The following EPHA6 variants were observed in gnomAD, a reference collection of about 807,000 sequenced individuals.
EPHA6 encodes ephrin type-A receptor 6.
In EPHA6, 50 loss-of-function variants were observed where a neutral mutation model predicts 112.0. That is an observed-to-expected ratio of 0.45 (90% CI 0.36 to 0.56). The LOEUF (loss-of-function observed/expected upper bound fraction) is 0.56, where lower values mean the gene tolerates loss of function less well. EPHA6 is among the 20% of genes least tolerant of loss of function. The pLI, the probability that EPHA6 is intolerant of heterozygous loss-of-function variation, is 0.00. For missense variants in EPHA6, 1,280 were observed against 1,417.4 expected, an observed-to-expected ratio of 0.90 and a Z score of 1.56; for synonymous variants, 529 against 490.7, an observed-to-expected ratio of 1.08 and a Z score of -1.03.
intron 2 of EPHA6, among the ~76,000 whole-genome samples, chr3:96,892,153 T>C (rs2037998886): frequency 6.6e-6 from 1 of 152,200 alleles, no homozygotes; most frequent in Admixed American, 6.5e-5. Context: ...TACCACATCA[T>C]AGGAGGCAGA....
chr3:96,817,281 A>G (rs2032874898), intron 1 of EPHA6, among the ~76,000 whole-genome samples: 1 of 151,952 alleles, frequency 6.6e-6, no homozygotes, highest in African/African-American at 2.4e-5. Flanking sequence ...ATAACTTTCA[A>G]ATATTGAAAT....
intron 7 of EPHA6, among the ~76,000 whole-genome samples, chr3:97,456,737 T>C (rs2090699765): frequency 6.6e-6 from 1 of 152,200 alleles, no homozygotes; most frequent in African/African-American, 2.4e-5. Context: ...TCCTGATTTA[T>C]GTCATTCCCA....
chr3:97,265,270 C>T (rs2079637197), intron 5 of EPHA6, among the ~76,000 whole-genome samples: 1 of 152,152 alleles, frequency 6.6e-6, no homozygotes, highest in African/African-American at 2.4e-5. Flanking sequence ...GACTCTCAAC[C>T]TTTGCCCAGG....
At chr3:97,466,274 T>C in intron 7 of EPHA6, 1 of 1,244,748 alleles carries the variant, frequency 8.0e-7, no homozygotes, top group Non-Finnish European at 1.2e-6. Context: ...TAAGGTTAGA[T>C]AGAAAACATT....
chr3:97,536,708 G>A (rs1381745843), intron 11 of EPHA6, among the ~76,000 whole-genome samples: 2 of 152,056 alleles, frequency 1.3e-5, no homozygotes, highest in South Asian at 2.1e-4. Flanking sequence ...CTGCTTCTCT[G>A]GTTCCAGAAT....
At chr3:97,393,498 T>C (rs1488653081) in intron 5 of EPHA6, among the ~76,000 whole-genome samples, 1 of 151,844 alleles carries the variant, frequency 6.6e-6, no homozygotes, top group African/African-American at 2.4e-5. Flanking sequence ...ATAACTTGTC[T>C]GGTCTCACCT....
At chr3:97,556,073 C>A (rs2093104779) in intron 11 of EPHA6, among the ~76,000 whole-genome samples, 1 of 151,924 alleles carries the variant, frequency 6.6e-6, no homozygotes, top group Non-Finnish European at 1.5e-5. Context: ...CTAGGGCCAG[C>A]CCCTACATTC....
chr3:96,848,698 T>C (rs376760702), intron 1 of EPHA6, among the ~76,000 whole-genome samples: 1 of 152,144 alleles, frequency 6.6e-6, no homozygotes, highest in African/African-American at 2.4e-5. Context: ...TATAAAATGC[T>C]AAATAATTTA....
intron 5 of EPHA6, among the ~76,000 whole-genome samples, chr3:97,247,647 T>C (rs74661349): frequency 0.017 from 2,526 of 151,992 alleles, 75 homozygotes; most frequent in African/African-American, 0.057. Flanking sequence ...ATATGTAAGA[T>C]AGCATATCAT....
intron 5 of EPHA6, among the ~76,000 whole-genome samples, chr3:97,272,074 C>G (rs2079901272): frequency 6.6e-6 from 1 of 152,114 alleles, no homozygotes; most frequent in African/African-American, 2.4e-5. Flanking sequence ...TTACCTACTT[C>G]TCTCTTTTTC....
At chr3:97,199,871 T>TG (rs572247906) in intron 3 of EPHA6, among the ~76,000 whole-genome samples, 15 of 152,188 alleles carry the variant, frequency 9.9e-5, no homozygotes, top group Admixed American at 3.3e-4. Context: ...TGTCGGATGC[T>TG]GGGGGGGTGA....
chr3:97,278,287 A>G (rs759990962), intron 5 of EPHA6, among the ~76,000 whole-genome samples: 7 of 152,206 alleles, frequency 4.6e-5, no homozygotes, highest in East Asian at 1.9e-4. Context: ...GAAAAAAATA[A>G]CACTACTTTG....
intron 2 of EPHA6, among the ~76,000 whole-genome samples, chr3:96,894,196 C>T (rs1389725654): frequency 2.0e-5 from 3 of 152,142 alleles, no homozygotes; most frequent in Non-Finnish European, 4.4e-5. Flanking sequence ...AGTAAGAACA[C>T]ACTGCCAATG....
chr3:97,035,854 G>A (rs1004431472), intron 3 of EPHA6, among the ~76,000 whole-genome samples: 1 of 151,790 alleles, frequency 6.6e-6, no homozygotes, highest in Admixed American at 6.6e-5. Flanking sequence ...TGTTGTGGAC[G>A]GAATGTATTT....
At chr3:97,533,532 T>C (rs1022743570) in intron 11 of EPHA6, among the ~76,000 whole-genome samples, 1 of 152,116 alleles carries the variant, frequency 6.6e-6, no homozygotes, top group Non-Finnish European at 1.5e-5. Context: ...GATGTTGCAG[T>C]GGACTATTAC....
chr3:96,901,205 A>T (rs2107572777), intron 2 of EPHA6, among the ~76,000 whole-genome samples: 1 of 152,330 alleles, frequency 6.6e-6, no homozygotes, highest in South Asian at 2.1e-4. Context: ...GACTCTCATT[A>T]GCCAACAGAT....
chr3:97,184,314 T>C (rs957526748), intron 3 of EPHA6, among the ~76,000 whole-genome samples: 35 of 152,256 alleles, frequency 2.3e-4, no homozygotes, highest in African/African-American at 8.2e-4. Context: ...AAGGGATTCT[T>C]CCTTTCCCTA....
intron 5 of EPHA6, among the ~76,000 whole-genome samples, chr3:97,248,729 TA>T (rs1301528732): frequency 1.3e-5 from 2 of 152,112 alleles, no homozygotes; most frequent in African/African-American, 4.8e-5. Flanking sequence ...AGATTTCATG[TA>T]CCTACTGTAG....
chr3:97,259,641 C>G (rs754540695), intron 5 of EPHA6, among the ~76,000 whole-genome samples: 3 of 151,990 alleles, frequency 2.0e-5, no homozygotes, highest in Non-Finnish European at 2.9e-5. Flanking sequence ...GAGGAGCAAG[C>G]ATTTATTAAG....
Sources: gnomAD v4.1 joint callset for allele counts (sites outside exome capture counted in the v4.1 genomes callset) on GRCh38, gnomAD v4.1.1 for gene constraint, MANE v1.5 for transcripts, NCBI Gene and HGNC (gene_info 2026-07-23, HGNC 2026-07-21) for gene names.